EEF2: variants seen among roughly 807,000 people sequenced by gnomAD.
The protein encoded by EEF2 is elongation factor 2.
Under a neutral mutation model 85.3 loss-of-function variants are expected in EEF2, and 21 were observed. That is an observed-to-expected ratio of 0.25 (90% CI 0.17 to 0.35). The LOEUF (loss-of-function observed/expected upper bound fraction) is 0.35. EEF2 is among the 10% of genes least tolerant of loss of function. The pLI is 1.00. For synonymous variants in EEF2, 723 were observed against 508.8 expected, an observed-to-expected ratio of 1.42 and a Z score of -5.67; for missense variants, 825 against 1,225.3, an observed-to-expected ratio of 0.67 and a Z score of 4.88.
chr19:3,976,842 A>AGTCACCCTGC lies in EEF2; in HGVS notation c.2384-105_2384-96dup, dbSNP rs1232642350. The AGTCACCCTGC allele has an allele frequency of 4.4e-6, 6 of 1,348,620 alleles. No individual in the cohort carries two copies. The African/African-American group carries it at 8.8e-5, about 20-fold the overall frequency. 83.5% of individuals were successfully genotyped at this position (1,348,620 alleles called of 1,614,324 possible). On this transcript the variant is annotated intron_variant, in intron 14 of 14. Coordinates refer to ENST00000309311, the MANE Select transcript of EEF2 (RefSeq NM_001961.4). ...GAGCTCAGGCTAGTTCCTCAGCCTG[A>AGTCACCCTGC]GTCACCCTGCAGACCAGACACTCGG...
rs2039681010 is a variant in EEF2, at chr19:3,976,474, G to A, written c.*80C>T. On this transcript the variant is annotated 3_prime_UTR_variant, in exon 15 of 15. Coordinates refer to ENST00000309311, the MANE Select transcript of EEF2 (RefSeq NM_001961.4). Reference sequence around the variant, plus strand: ...CGTCGCTGTGTCGGGACAGTCTCCAGGTGTCGTCTGAGAATTCGAGGACGT... The same window carrying A: ...CGTCGCTGTGTCGGGACAGTCTCCAAGTGTCGTCTGAGAATTCGAGGACGT... 2.0e-6 allele frequency: 3 copies of A among 1,497,064 alleles called. No individual in the cohort carries two copies. The highest frequency in any genetic ancestry group is 2.0e-5 in the Admixed American group (1 of 50,370). 92.7% of individuals were successfully genotyped at this position (1,497,064 alleles called of 1,614,324 possible). A position where few individuals can be genotyped will look rare whatever the true frequency, so the allele number is the denominator to read the frequency against.
Position 3,977,157 on chromosome 19 carries a change from C to G in EEF2, c.2383+58G>C. On this transcript the variant is annotated intron_variant, in intron 14 of 14. Coordinates refer to ENST00000309311, the MANE Select transcript of EEF2 (RefSeq NM_001961.4). The surrounding 1 kb of genome is among the most constrained non-coding windows in gnomAD (Gnocchi z 5.4). ...TAACACCTTGCTAAGCTTAACTGGG[C>G]TTCTGTCCCCCAAACCAGCCTGCCA... The G allele has an allele frequency of 6.3e-7, 1 of 1,588,868 alleles. No homozygotes were observed. Among genetic ancestry groups the G allele is most frequent in the Non-Finnish European group, 8.6e-7 (1 of 1,166,118 alleles).
At chr19:3,982,578 GGCCA>G in intron 4 of EEF2, 154 bp from the exon 5 acceptor site, 1 of 1,131,734 alleles carries the variant, frequency 8.8e-7, no homozygotes, top group Non-Finnish European at 1.3e-6. Context: ...CGAATAGGGG[GGCCA>G]GCCCCTCCAC....
intron 4 of EEF2, 92 bp from the exon 5 acceptor site, chr19:3,982,516 C>G (rs1568201975): frequency 2.9e-5 from 44 of 1,500,396 alleles, no homozygotes; most frequent in Non-Finnish European, 4.0e-5. Context: ...GCCTCAGACG[C>G]AGGCTTTCTT....
chr19:3,985,363 G>C lies in EEF2; in HGVS notation c.3+15C>G. The C allele has an allele frequency of 6.7e-7, 1 of 1,493,800 alleles. No homozygotes were observed. Among genetic ancestry groups the C allele is most frequent in the Non-Finnish European group, 9.0e-7 (1 of 1,115,966 alleles). 92.5% of individuals were successfully genotyped at this position (1,493,800 alleles called of 1,614,324 possible). On this transcript the variant is annotated intron_variant, in intron 1 of 14. Coordinates refer to ENST00000309311, the MANE Select transcript of EEF2 (RefSeq NM_001961.4). ...CGCCGCCGCTCCGGGGCACCAGCGA[G>C]GCAGGGTTACTCACCATGGTGGCGG... is the stretch of plus-strand genomic sequence containing the variant.
rs1385089938 is a variant in EEF2 at position 3,978,888 on chromosome 19, G to A, written c.1713+441C>T. ...TGTAATCCCAGCACTTTGGGAGGCC[G>A]AGGCAGGGGGATCACGAGGTCAGGA... is the stretch of plus-strand genomic sequence containing the variant. On this transcript the variant is annotated intron_variant, in intron 11 of 14. Coordinates refer to ENST00000309311, the MANE Select transcript of EEF2 (RefSeq NM_001961.4). 4.6e-5 allele frequency among the ~76,000 whole-genome samples: 7 copies of A among 150,842 alleles called. 1 individual carries two copies. The highest frequency in any genetic ancestry group is 2.1e-4 in the South Asian group (1 of 4,756).
intron 1 of EEF2, chr19:3,984,740 T>C: frequency 4.5e-6 from 1 of 220,998 alleles, no homozygotes; most frequent in South Asian, 6.6e-5. Context: ...AGAAGCTTCA[T>C]CATAAAATGC....
In EEF2 at chr19:3,982,347, C is replaced by T; in HGVS notation, c.690G>A (p.Glu230=). 1.9e-6 allele frequency: 3 copies of T among 1,614,174 alleles called. No homozygotes were observed. Among genetic ancestry groups the T allele is most frequent in the Middle Eastern group, 1.6e-4 (1 of 6,062 alleles). The part of the protein sequence containing the change: ...GWAFTLKQFA[E]MYVAKFAAKG... ...TGGCGGCGAACTTGGCCACATACAT[C>T]TCGGCAAACTGCTTCAGGGTGAAGG... Residue 230 remains glutamate, a synonymous_variant, in exon 5 of 15, where the codon GAG becomes GAA. Transcript: ENST00000309311.
In EEF2 at chr19:3,983,093, G is replaced by A. The variant is rs750591158; in HGVS notation, c.400+17C>T. On this transcript the variant is annotated intron_variant, in intron 3 of 14. Coordinates refer to ENST00000309311, the MANE Select transcript of EEF2 (RefSeq NM_001961.4). ...CCCCCGGTTCCAGGCCGTGCCTCAG[G>A]GGGACCCACTGCTTACCTGACACGC... 2 of 1,612,660 alleles carry A rather than the reference G, an allele frequency of 1.2e-6. No individual in the cohort carries two copies. The highest frequency in any genetic ancestry group is 1.1e-5 in the South Asian group (1 of 91,068).
intron 7 of EEF2, among the ~76,000 whole-genome samples, 165 bp from the exon 8 acceptor site, chr19:3,981,144 G>A (rs953130944): frequency 2.6e-5 from 4 of 152,250 alleles, no homozygotes; most frequent in Non-Finnish European, 4.4e-5. Flanking sequence ...CTCCTGCCAA[G>A]GCCCTCACCC....
intron 11 of EEF2, 89 bp downstream of exon 11, chr19:3,979,240 C>A (rs1411383542): frequency 1.0e-6 from 1 of 992,534 alleles, no homozygotes; most frequent in South Asian, 1.4e-5. Context: ...CAAGTCTAGG[C>A]GTCTGCAGAG....
At position 3,979,072 on chromosome 19, in the gene EEF2, T is replaced by C. The variant is rs548601694; in HGVS notation, c.1713+257A>G. Among the ~76,000 whole-genome samples the C allele has an allele frequency of 2.7e-5, 4 of 148,328 alleles. No homozygotes were observed. The South Asian group carries it at 8.6e-4, about 32-fold the overall frequency. On this transcript the variant is annotated intron_variant, in intron 11 of 14. Transcript: ENST00000309311. The stretch of plus-strand genomic sequence containing the variant: ...GCTTGAACCCGGGAGGTGGAGGTTC[T>C]AGCGAGCCAAGATCACGCCACTGCA...
chr19:3,978,343 G>A (rs1033410426), intron 11 of EEF2, among the ~76,000 whole-genome samples, 171 bp from the exon 12 acceptor site: 33 of 152,070 alleles, frequency 2.2e-4, no homozygotes, highest in Non-Finnish European at 2.9e-5. Flanking sequence ...TCTCACTCCA[G>A]ACAAGGACAA....
chr19:3,984,727 G>A (rs2039797943), intron 1 of EEF2: 4 of 222,216 alleles, frequency 1.8e-5, no homozygotes, highest in East Asian at 1.2e-4. Flanking sequence ...ACTTCCCCGA[G>A]CAAGAAGCTT....
At position 3,977,939 on chromosome 19, in the gene EEF2, G is replaced by A; in HGVS notation, c.1947C>T (p.Ile649=). ...YEWDVAEARK[I]WCFGPDGTGP... Reference sequence around the variant, plus strand: ...CGGTGCCGTCGGGCCCAAAGCACCAGATCTTGCGGGCCTCAGCCACGTCCC... The same window carrying A: ...CGGTGCCGTCGGGCCCAAAGCACCAAATCTTGCGGGCCTCAGCCACGTCCC... Residue 649 remains isoleucine (I), a synonymous_variant, in exon 12 of 15, where the codon ATC becomes ATT. Coordinates refer to ENST00000309311, the MANE Select transcript of EEF2 (RefSeq NM_001961.4). This position sits in a 1 kb window ranked among gnomAD's most constrained non-coding sequence, Gnocchi z 5.4. 6.2e-7 allele frequency: 1 copy of A among 1,613,578 alleles called. No individual in the cohort carries two copies. Among genetic ancestry groups the A allele is most frequent in the South Asian group, 1.1e-5 (1 of 91,072 alleles).
intron 11 of EEF2, 92 bp from the exon 12 acceptor site, chr19:3,978,264 A>C (rs1364340459): frequency 8.7e-7 from 1 of 1,146,220 alleles, no homozygotes; most frequent in East Asian, 2.7e-5. Context: ...AGCAAGGCGG[A>C]CCTCATACAG....
chr19:3,977,131 T>C lies in EEF2; in HGVS notation c.2383+84A>G. The C allele has an allele frequency of 1.3e-6, 2 of 1,557,800 alleles. No homozygotes were observed. The highest frequency in any genetic ancestry group is 1.7e-6 in the Non-Finnish European group (2 of 1,151,554). Reference sequence around the variant, plus strand: ...ACCTGCTCCCATCAGGACGCCTCCTTTAACACCTTGCTAAGCTTAACTGGG... The same window carrying C: ...ACCTGCTCCCATCAGGACGCCTCCTCTAACACCTTGCTAAGCTTAACTGGG... On this transcript the variant is annotated intron_variant, in intron 14 of 14. Coordinates refer to ENST00000309311, the MANE Select transcript of EEF2 (RefSeq NM_001961.4). The surrounding 1 kb of genome is among the most constrained non-coding windows in gnomAD (Gnocchi z 5.4).
rs2039716479 is a variant in EEF2 at position 3,979,357 on chromosome 19, T to C, written c.1685A>G (p.Glu562Gly). 1 of 1,613,904 alleles carries C rather than the reference T, an allele frequency of 6.2e-7. No individual in the cohort carries two copies. The change falls in exon 11 of 15, where the codon GAG becomes GGG. Residue 562 changes from glutamate (E) to glycine (G), a missense_variant. Glu to Gly is a moderately conservative substitution (Grantham distance 98). Coordinates refer to ENST00000309311, the MANE Select transcript of EEF2 (RefSeq NM_001961.4). Reference sequence around the variant, plus strand: ...GATGGGGATGCAGGCGTGGTCCTCCTCCAGGTCCTTCAGGCAGATCTCCAG... The same window carrying C: ...GATGGGGATGCAGGCGTGGTCCTCCCCCAGGTCCTTCAGGCAGATCTCCAG... ...LHLEICLKDL[E>G]EDHACIPIKK...
At chr19:3,978,903 C>T (rs1341273584) in intron 11 of EEF2, among the ~76,000 whole-genome samples, 2 of 147,574 alleles carry the variant, frequency 1.4e-5, no homozygotes, top group Admixed American at 7.0e-5. Flanking sequence ...AGGGGGATCA[C>T]GAGGTCAGGA....
Sources: gnomAD v4.1 joint callset for allele counts (sites outside exome capture counted in the v4.1 genomes callset) on GRCh38, gnomAD v4.1.1 for gene constraint, Gnocchi (gnomAD v3.1) non-coding constraint, MANE v1.5 for transcripts, NCBI Gene and HGNC (gene_info 2026-07-23, HGNC 2026-07-21) for gene names.